Variants in KATNBL1 observed in about 807,000 individuals in gnomAD.
KATNBL1 encodes katanin regulatory subunit B1 like 1.
A neutral mutation model predicts 44.7 loss-of-function variants in KATNBL1; 28 were observed. The observed-to-expected ratio is 0.63, with a 90% CI of 0.46 to 0.86. The LOEUF is 0.86. Among genes scored for constraint, KATNBL1 ranks in the 40% least tolerant of loss-of-function variants. KATNBL1 has a pLI of 0.00. For missense variants in KATNBL1, 272 were observed against 350.7 expected (o/e 0.78, Z 1.79); for synonymous variants, 78 against 114.9 (o/e 0.68, Z 2.06).
chr15:34,142,561 C>A, intron 9 of KATNBL1, 190 bp from the exon 10 acceptor site: 2 of 520,964 alleles, frequency 3.8e-6, no homozygotes, highest in Non-Finnish European at 6.7e-6. Flanking sequence ...AGTATGTGCT[C>A]AATATATATT....
chr15:34,195,444 GA>G (rs1890003120), intron 1 of KATNBL1, among the ~76,000 whole-genome samples: 1 of 152,130 alleles, frequency 6.6e-6, no homozygotes, highest in African/African-American at 2.4e-5. Context: ...AGGGGTGGGA[GA>G]AAGGTGGATG....
intron 1 of KATNBL1, among the ~76,000 whole-genome samples, chr15:34,207,856 G>A (rs1014626881): frequency 2.6e-5 from 4 of 152,090 alleles, no homozygotes; most frequent in African/African-American, 4.8e-5. Flanking sequence ...TCCTGTCTTG[G>A]CCTCCCAAAG....
intron 1 of KATNBL1, among the ~76,000 whole-genome samples, chr15:34,191,186 T>TATATATATATATATA (rs1420428369): frequency 7.6e-6 from 1 of 131,104 alleles, no homozygotes; most frequent in Non-Finnish European, 1.6e-5. Context: ...TATATATATA[T>TATATATATATATATA]ATTTGGTAGG....
intron 3 of KATNBL1, among the ~76,000 whole-genome samples, chr15:34,154,372 G>C (rs1888573351): frequency 6.6e-6 from 1 of 152,110 alleles, no homozygotes; most frequent in South Asian, 2.1e-4. Context: ...CTAGCTATAT[G>C]ATTCTGAACA....
At position 34,166,681 on chromosome 15, in the gene KATNBL1, T is replaced by C. The variant is rs189721620; in HGVS notation, c.-14-2991A>G. Reference sequence around the variant, plus strand: ...TGTAGCCTAACTGGGAGACACCTCCTAGTAGAGGCCGACTGACACCTCATA... The same window carrying C: ...TGTAGCCTAACTGGGAGACACCTCCCAGTAGAGGCCGACTGACACCTCATA... On this transcript the variant is annotated intron_variant, in intron 1 of 9. Coordinates refer to ENST00000256544, the MANE Select transcript of KATNBL1 (RefSeq NM_024713.3). Among the ~76,000 whole-genome samples, 772 of 152,326 alleles carry C rather than the reference T, an allele frequency of 5.1e-3. 9 individuals carry two copies. The highest frequency in any genetic ancestry group is 0.017 in the African/African-American group (727 of 41,580).
chr15:34,196,767 A>G (rs1178173225), intron 1 of KATNBL1, among the ~76,000 whole-genome samples: 1 of 152,226 alleles, frequency 6.6e-6, no homozygotes, highest in African/African-American at 2.4e-5. Flanking sequence ...AACATAATGT[A>G]TGATGCATCA....
At chr15:34,205,133 A>ACT (rs1340947774) in intron 1 of KATNBL1, among the ~76,000 whole-genome samples, 2 of 152,046 alleles carry the variant, frequency 1.3e-5, no homozygotes, top group African/African-American at 4.8e-5. Flanking sequence ...AGCTGGGGCT[A>ACT]CAGGTGTGCA....
chr15:34,172,253 A>ATTTTTTT (rs1260376752), intron 1 of KATNBL1, among the ~76,000 whole-genome samples: 38 of 46,858 alleles, frequency 8.1e-4, no homozygotes, highest in Admixed American at 1.2e-3. Context: ...GGAGGAACAT[A>ATTTTTTT]TTCTTTTTTT....
In KATNBL1 at chr15:34,154,689, A is replaced by T. The variant is rs767057455; in HGVS notation, c.118-5T>A. 2 of 1,561,074 alleles carry T rather than the reference A, an allele frequency of 1.3e-6. No homozygotes were observed. Among genetic ancestry groups the T allele is most frequent in the East Asian group, 4.5e-5 (2 of 44,644 alleles). Reference sequence around the variant, plus strand: ...CTGTTTTGGAGATTTCTTAACCTGAAAAATGAAAGTAGATAGTTGATGTTA... The same window carrying T: ...CTGTTTTGGAGATTTCTTAACCTGATAAATGAAAGTAGATAGTTGATGTTA... On this transcript the variant is annotated splice_region_variant and splice_polypyrimidine_tract_variant and intron_variant, in intron 2 of 9. Transcript: ENST00000256544.
At chr15:34,199,119 C>T (rs1890100209) in intron 1 of KATNBL1, among the ~76,000 whole-genome samples, 1 of 152,174 alleles carries the variant, frequency 6.6e-6, no homozygotes, top group Non-Finnish European at 1.5e-5. Context: ...GTCTACTATA[C>T]TTGTTAGGTT....
chr15:34,155,347 C>A lies in KATNBL1; in HGVS notation c.118-663G>T, dbSNP rs144946563. Among the ~76,000 whole-genome samples the A allele has an allele frequency of 2.0e-5, 3 of 152,190 alleles. No homozygotes were observed. In the East Asian group the frequency reaches 5.8e-4, roughly 29 times the overall value. On this transcript the variant is annotated intron_variant, in intron 2 of 9. Transcript: ENST00000256544. ...CTTGTCAGAATATGGTGGAGGGGAA[C>A]TGAGAGAAGTTTTAGTAAGGGCTGT... is the stretch of plus-strand genomic sequence containing the variant.
chr15:34,191,764 G>A (rs1055656052), intron 1 of KATNBL1, among the ~76,000 whole-genome samples: 3 of 151,714 alleles, frequency 2.0e-5, no homozygotes, highest in South Asian at 2.1e-4. Context: ...TGGCTAACAC[G>A]GTGAAACCCC....
At chr15:34,171,011 G>A (rs577383718) in intron 1 of KATNBL1, among the ~76,000 whole-genome samples, 2 of 152,284 alleles carry the variant, frequency 1.3e-5, no homozygotes, top group Admixed American at 1.3e-4. Flanking sequence ...ATACCATTCA[G>A]GACACAGACA....
intron 1 of KATNBL1, among the ~76,000 whole-genome samples, chr15:34,190,753 A>G (rs757630052): frequency 1.3e-5 from 2 of 152,246 alleles, no homozygotes; most frequent in South Asian, 4.1e-4. Flanking sequence ...AACAGGAAAT[A>G]TTAACAACAC....
At chr15:34,172,179 C>T (rs1889181895) in intron 1 of KATNBL1, among the ~76,000 whole-genome samples, 1 of 151,716 alleles carries the variant, frequency 6.6e-6, no homozygotes, top group Non-Finnish European at 1.5e-5. Context: ...CTCACTAGAT[C>T]CTCTTTCTCA....
intron 1 of KATNBL1, among the ~76,000 whole-genome samples, chr15:34,206,511 G>A (rs1005715635): frequency 1.3e-5 from 2 of 152,096 alleles, no homozygotes; most frequent in Non-Finnish European, 2.9e-5. Context: ...GTCAAATTAC[G>A]CCGGGCATGG....
At chr15:34,152,102 G>A (rs565006412) in intron 4 of KATNBL1, among the ~76,000 whole-genome samples, 5 of 151,896 alleles carry the variant, frequency 3.3e-5, no homozygotes, top group African/African-American at 4.8e-5. Flanking sequence ...CATCATGCCC[G>A]GCTCATTTTT....
rs573249274 is a variant in KATNBL1 at position 34,200,818 on chromosome 15, T to C, written c.-15+9133A>G. Among the ~76,000 whole-genome samples, 14 of 152,126 alleles carry C rather than the reference T, an allele frequency of 9.2e-5. No individual in the cohort carries two copies. The South Asian group carries it at 2.5e-3, about 27-fold the overall frequency. Reference sequence around the variant, plus strand: ...TACCTCTTCCTCAGTGTTTTTGTTTTGTTTTGTTTTGTTTTTTGAGACAGC... The same window carrying C: ...TACCTCTTCCTCAGTGTTTTTGTTTCGTTTTGTTTTGTTTTTTGAGACAGC... On this transcript the variant is annotated intron_variant, in intron 1 of 9. Transcript: ENST00000256544.
chr15:34,204,465 C>T (rs1890243833), intron 1 of KATNBL1, among the ~76,000 whole-genome samples: 1 of 152,124 alleles, frequency 6.6e-6, no homozygotes, highest in South Asian at 2.1e-4. Flanking sequence ...TACTCATGTC[C>T]CCTAGTCAGC....
Sources: allele counts gnomAD v4.1 joint callset (sites outside exome capture counted in the v4.1 genomes callset), GRCh38; gene constraint gnomAD v4.1.1; transcripts MANE v1.5; gene names NCBI Gene and HGNC (gene_info 2026-07-23, HGNC 2026-07-21).